The following EPHA8 variants were observed in gnomAD, a reference collection of about 807,000 sequenced individuals.
The protein encoded by EPHA8 is EPH receptor A8, also known as ephrin type-A receptor 8.
EPHA8 carries 58 observed loss-of-function variants against 103.6 expected under a neutral mutation model. The observed-to-expected ratio is 0.56, with a 90% CI of 0.45 to 0.70. The LOEUF (loss-of-function observed/expected upper bound fraction) is 0.70, where lower values mean the gene tolerates loss of function less well. Among genes scored for constraint, EPHA8 ranks in the 30% least tolerant of loss-of-function variants. EPHA8 has a pLI of 0.00. For missense variants in EPHA8, 1,304 were observed against 1,395.2 expected (o/e 0.93, Z 1.04); for synonymous variants, 559 against 572.5 (o/e 0.98, Z 0.34).
intron 5 of EPHA8, among the ~76,000 whole-genome samples, chr1:22,593,043 G>A (rs762555266): frequency 3.2e-4 from 49 of 152,238 alleles, no homozygotes; most frequent in Non-Finnish European, 5.1e-4. Context: ...GGTCCATGCC[G>A]GGCCCTGGGC....
chr1:22,571,329 C>T (rs1200132572), intron 2 of EPHA8, among the ~76,000 whole-genome samples: 1 of 152,184 alleles, frequency 6.6e-6, no homozygotes, highest in East Asian at 1.9e-4. Context: ...CACAACCAAT[C>T]CTTGAGGTGG....
rs1313601474 is a variant in EPHA8, at chr1:22,589,699, A to G, written c.1315+493A>G. 1.9e-6 allele frequency: 2 copies of G among 1,070,462 alleles called. No homozygotes were observed. Among genetic ancestry groups the G allele is most frequent in the Non-Finnish European group, 2.3e-6 (2 of 886,274 alleles). 66.3% of individuals were successfully genotyped at this position (1,070,462 alleles called of 1,614,324 possible). A position where few individuals can be genotyped will look rare whatever the true frequency, so the allele number is the denominator to read the frequency against. ...ACTTGGCTGCACTGGCTTGGACCAC[A>G]GTAGTTTATCTATCAGTTTCTGGCC... On this transcript the variant is annotated intron_variant, in intron 5 of 16. Transcript: ENST00000166244. The surrounding 1 kb of genome is among the most constrained non-coding windows in gnomAD (Gnocchi z 4.3).
chr1:22,591,033 G>A (rs1641358488), intron 5 of EPHA8, among the ~76,000 whole-genome samples: 1 of 151,252 alleles, frequency 6.6e-6, no homozygotes, highest in Non-Finnish European at 1.5e-5. Flanking sequence ...GACCACCACA[G>A]GAGACCCCTC....
At chr1:22,579,209 A>G (rs1640957348) in intron 3 of EPHA8, among the ~76,000 whole-genome samples, 2 of 146,836 alleles carry the variant, frequency 1.4e-5, no homozygotes, top group South Asian at 4.3e-4. Context: ...ACCTGTGTGC[A>G]TGTGTGTGTA....
At chr1:22,585,055 A>ACGTGCG (rs1553146992) in intron 3 of EPHA8, among the ~76,000 whole-genome samples, 2 of 143,310 alleles carry the variant, frequency 1.4e-5, no homozygotes, top group African/African-American at 5.4e-5. Flanking sequence ...GTGTGTGCGC[A>ACGTGCG]CGCGTGTGTC....
chr1:22,578,030 CAT>C (rs1640794514), intron 3 of EPHA8, among the ~76,000 whole-genome samples: 1 of 24,636 alleles, frequency 4.1e-5, no homozygotes, highest in South Asian at 1.3e-3. Context: ...TACATGTGTG[CAT>C]GTGTATGTAT....
intron 1 of EPHA8, among the ~76,000 whole-genome samples, chr1:22,568,486 A>C (rs1640431761): frequency 6.6e-6 from 1 of 152,194 alleles, no homozygotes; most frequent in South Asian, 2.1e-4. Context: ...TCCGCCAGCT[A>C]CACCTGTGGG....
At chr1:22,583,801 G>A (rs1315852444) in intron 3 of EPHA8, among the ~76,000 whole-genome samples, 1 of 152,200 alleles carries the variant, frequency 6.6e-6, no homozygotes, top group African/African-American at 2.4e-5. Flanking sequence ...TGCTACACCC[G>A]AGCTTCTGCT....
At position 22,593,697 on chromosome 1, in the gene EPHA8, G is replaced by A. The variant is rs757028887; in HGVS notation, c.1603+11G>A. 6.3e-7 allele frequency: 1 copy of A among 1,576,552 alleles called. No homozygotes were observed. Among genetic ancestry groups the A allele is most frequent in the South Asian group, 1.2e-5 (1 of 86,238 alleles). On this transcript the variant is annotated intron_variant, in intron 7 of 16. Transcript: ENST00000166244. ...AGACCGGGAAACCCCGTGAGTGCAGGGAGGGGGCGTGGGCGCGGAGCAGCC... is the reference window on the plus strand; with the variant it reads ...AGACCGGGAAACCCCGTGAGTGCAGAGAGGGGGCGTGGGCGCGGAGCAGCC...
At chr1:22,595,079 T>C in intron 7 of EPHA8, 151 bp from the exon 8 acceptor site, 1 of 529,140 alleles carries the variant, frequency 1.9e-6, no homozygotes, top group Non-Finnish European at 3.3e-6. Context: ...GAGGAGGAAC[T>C]GGCCTGCGCC....
rs370205666 is a variant in EPHA8, at chr1:22,569,328, G to A, written c.134G>A (p.Gly45Asp). The change falls in exon 2 of 17, where the codon GGC becomes GAC. Residue 45 changes from glycine to aspartate, a missense_variant. Transcript: ENST00000166244. This position sits in a 1 kb window ranked among gnomAD's most constrained non-coding sequence, Gnocchi z 4.5. ...LDTSTIHGDWGWLTYPAHGWD... is the reference protein window; with the variant it reads ...LDTSTIHGDWDWLTYPAHGWD... ...ACGTCGACCATCCACGGGGACTGGG[G>A]CTGGCTCACGTATCCGGCTCATGGG... is the stretch of plus-strand genomic sequence containing the variant. 1.9e-6 allele frequency: 3 copies of A among 1,605,860 alleles called. No homozygotes were observed. The highest frequency in any genetic ancestry group is 4.5e-5 in the East Asian group (2 of 44,744).
chr1:22,585,912 A>G (rs10917259), intron 3 of EPHA8, among the ~76,000 whole-genome samples: 28,660 of 152,048 alleles, frequency 0.19, 2,777 homozygotes, highest in South Asian at 0.4. Flanking sequence ...CTGTATTTTT[A>G]TGGAGGTGGC....
chr1:22,576,887 G>A lies in EPHA8; in HGVS notation c.823+7G>A, dbSNP rs759448880. On this transcript the variant is annotated splice_region_variant and intron_variant, in intron 3 of 16. Transcript: ENST00000166244. This position sits in a 1 kb window ranked among gnomAD's most constrained non-coding sequence, Gnocchi z 4.8. Reference sequence around the variant, plus strand: ...CGGCGGGATGCCTGTGTGGGTGAGCGCGCCATGGCCTGGGCATGGGTCAGC... The same window carrying A: ...CGGCGGGATGCCTGTGTGGGTGAGCACGCCATGGCCTGGGCATGGGTCAGC... 2 of 1,573,678 alleles carry A rather than the reference G, an allele frequency of 1.3e-6. No homozygotes were observed. Among genetic ancestry groups the A allele is most frequent in the East Asian group, 2.3e-5 (1 of 44,396 alleles).
rs1279422411 is a variant in EPHA8, at chr1:22,576,189, G to A, written c.160-28G>A. 1.3e-6 allele frequency: 2 copies of A among 1,583,444 alleles called. No homozygotes were observed. The highest frequency in any genetic ancestry group is 1.3e-5 in the African/African-American group (1 of 74,386). On this transcript the variant is annotated intron_variant, in intron 2 of 16. Transcript: ENST00000166244. This position sits in a 1 kb window ranked among gnomAD's most constrained non-coding sequence, Gnocchi z 4.8. ...AAGAGGGTGAGGTGCTGGCTCTGCT[G>A]TAGTGGCTGTGTTCTCTCTGCCCAC...
At chr1:22,573,863 C>T (rs182289597) in intron 2 of EPHA8, among the ~76,000 whole-genome samples, 26 of 152,370 alleles carry the variant, frequency 1.7e-4, no homozygotes, top group Admixed American at 3.3e-4. Context: ...CAGATGCCCA[C>T]ACCCAGGAGG....
Position 22,602,466 on chromosome 1 carries a change from T to G in EPHA8, c.*725T>G, listed in dbSNP as rs1157246107. 1 of 152,986 alleles carries G rather than the reference T, an allele frequency of 6.5e-6. No individual in the cohort carries two copies. The allele number at this position is 152,986 out of a possible 1,614,324, so 9.5% of individuals were successfully genotyped here. A position where few individuals can be genotyped will look rare whatever the true frequency, so the allele number is the denominator to read the frequency against. Reference sequence around the variant, plus strand: ...AGGCCACCTGCAGCCTCCACCCGGCTCTCACCGCTGCTTCAACAGGAAAAC... The same window carrying G: ...AGGCCACCTGCAGCCTCCACCCGGCGCTCACCGCTGCTTCAACAGGAAAAC... On this transcript the variant is annotated 3_prime_UTR_variant, in exon 17 of 17. Coordinates refer to ENST00000166244, the MANE Select transcript of EPHA8 (RefSeq NM_020526.5).
intron 5 of EPHA8, among the ~76,000 whole-genome samples, chr1:22,592,353 G>T (rs116088226): frequency 6.6e-6 from 1 of 152,088 alleles, no homozygotes; most frequent in Non-Finnish European, 1.5e-5. Flanking sequence ...GTGCTCACTA[G>T]CTTCACTTTA....
chr1:22,595,398 GA>G, intron 8 of EPHA8, 75 bp downstream of exon 8: 2 of 1,291,998 alleles, frequency 1.5e-6, no homozygotes, highest in Non-Finnish European at 2.2e-6. Flanking sequence ...CAGCCCCACC[GA>G]GCCGGTGGTC....
chr1:22,579,001 A>G (rs972046022), intron 3 of EPHA8, among the ~76,000 whole-genome samples: 19 of 139,586 alleles, frequency 1.4e-4, no homozygotes, highest in South Asian at 4.4e-4. Context: ...GCATGTGTAT[A>G]TGCATGTGTG....
Sources: gnomAD v4.1 joint callset for allele counts (sites outside exome capture counted in the v4.1 genomes callset) on GRCh38, gnomAD v4.1.1 for gene constraint, Gnocchi (gnomAD v3.1) non-coding constraint, MANE v1.5 for transcripts, NCBI Gene and HGNC (gene_info 2026-07-23, HGNC 2026-07-21) for gene names.